PTPRM: variants seen among roughly 807,000 people sequenced by gnomAD.
The protein encoded by PTPRM is receptor-type tyrosine-protein phosphatase mu.
PTPRM carries 47 observed loss-of-function variants against 186.7 expected under a neutral mutation model. That is an observed-to-expected ratio of 0.25 (90% confidence interval 0.20 to 0.32). The LOEUF is 0.32. Among genes scored for constraint, PTPRM ranks in the 10% least tolerant of loss-of-function variants. PTPRM has a pLI of 1.00. For missense variants in PTPRM, 1,494 were observed against 1,865.0 expected (o/e 0.80, Z 3.66); for synonymous variants, 668 against 674.9 (o/e 0.99, Z 0.16).
Position 8,185,546 on chromosome 18 carries a change from CCGTCTGGCACAGGG to C in PTPRM, c.2300+41769_2300+41782del, listed in dbSNP as rs1282876438. ...TATTCAGGTTTGTCACTAGACATTA[CCGTCTGGCACAGGG>C]CCTGGCAGGTCAGTGGCCTCAGGTG... On this transcript the variant is annotated intron_variant, in intron 14 of 32. Transcript: ENST00000580170. Among the ~76,000 whole-genome samples, 8 of 152,356 alleles carry C rather than the reference CCGTCTGGCACAGGG, an allele frequency of 5.3e-5. No individual in the cohort carries two copies. In the East Asian group the frequency reaches 1.5e-3, roughly 29 times the overall value.
In PTPRM at chr18:8,240,839, AAAGAAAAG is replaced by A. The variant is rs1157397831; in HGVS notation, c.2301-3216_2301-3209del. Among the ~76,000 whole-genome samples, 28 of 133,102 alleles carry A rather than the reference AAAGAAAAG, an allele frequency of 2.1e-4. 1 individual carries two copies. The highest frequency in any genetic ancestry group is 1.0e-3 in the Admixed American group (14 of 13,646). The allele number at this position is 133,102 out of a possible 152,430, so 87.3% of individuals were successfully genotyped here. A position where few individuals can be genotyped will look rare whatever the true frequency, so the allele number is the denominator to read the frequency against. On this transcript the variant is annotated intron_variant, in intron 14 of 32. Transcript: ENST00000580170. Reference sequence around the variant, plus strand: ...GAGAGAGAGAGAGAAAGAAAGAAAGAAAGAAAAGAAAGAAAGAAAGAAATTGAAAGTTT... The same window carrying A: ...GAGAGAGAGAGAGAAAGAAAGAAAGAAAAGAAAGAAAGAAATTGAAAGTTT...
chr18:8,181,293 G>T lies in PTPRM; in HGVS notation c.2300+37514G>T, dbSNP rs571777429. 3.9e-5 allele frequency among the ~76,000 whole-genome samples: 6 copies of T among 152,248 alleles called. No individual in the cohort carries two copies. The East Asian group carries it at 1.2e-3, about 29-fold the overall frequency. On this transcript the variant is annotated intron_variant, in intron 14 of 32. Transcript: ENST00000580170. ...GTGTACCCCGTCTTTTTTATTTTGG[G>T]TAATGTTGGTTAAATTAACACAGTC...
At chr18:8,179,424 A>G (rs372790747) in intron 14 of PTPRM, among the ~76,000 whole-genome samples, 4 of 146,986 alleles carry the variant, frequency 2.7e-5, no homozygotes, top group African/African-American at 1.0e-4. Flanking sequence ...ATGACACACC[A>G]TTCTTGGACT....
intron 14 of PTPRM, among the ~76,000 whole-genome samples, chr18:8,213,724 C>T (rs4332801): frequency 0.27 from 40,780 of 151,824 alleles, 5,505 homozygotes; most frequent in Middle Eastern, 0.51. Flanking sequence ...AAAGTGGATC[C>T]ACCATTCGAT....
Position 8,076,474 on chromosome 18 carries a change from T to G in PTPRM, c.1461T>G (p.Thr487=). Residue 487 remains threonine, a synonymous_variant, in exon 9 of 33, where the codon ACT becomes ACG. Coordinates refer to ENST00000580170, the MANE Select transcript of PTPRM (RefSeq NM_001105244.2). ...TDEDLPGAVP[T]ESIQGSTFEE... The stretch of plus-strand genomic sequence containing the variant: ...CTTTAGTCCCAGGTGCTGTTCCCAC[T>G]GAATCCATACAAGGAAGTACCTTTG... 1 of 1,606,138 alleles carries G rather than the reference T, an allele frequency of 6.2e-7. No homozygotes were observed. The highest frequency in any genetic ancestry group is 8.5e-7 in the Non-Finnish European group (1 of 1,173,872).
intron 2 of PTPRM, among the ~76,000 whole-genome samples, chr18:7,789,254 G>A (rs2043226639): frequency 6.6e-6 from 1 of 152,146 alleles, no homozygotes; most frequent in African/African-American, 2.4e-5. Flanking sequence ...GAGCCAAGGA[G>A]GTTGAGGCTG....
rs554187236 is a variant in PTPRM, at chr18:8,162,923, C to G, written c.2300+19144C>G. 5.7e-4 allele frequency among the ~76,000 whole-genome samples: 87 copies of G among 152,314 alleles called. 1 individual carries two copies. The South Asian group carries it at 0.017, about 30-fold the overall frequency. On this transcript the variant is annotated intron_variant, in intron 14 of 32. Coordinates refer to ENST00000580170, the MANE Select transcript of PTPRM (RefSeq NM_001105244.2). The stretch of plus-strand genomic sequence containing the variant: ...GCATCAGGCTGCAGTTGTAAAAATG[C>G]TCTGCTGCTTCTCCAAACAAACACT...
At chr18:8,169,655 A>T (rs2093370290) in intron 14 of PTPRM, among the ~76,000 whole-genome samples, 1 of 152,186 alleles carries the variant, frequency 6.6e-6, no homozygotes, top group African/African-American at 2.4e-5. Context: ...CCAAGGCAAG[A>T]ATTTAGCATG....
intron 7 of PTPRM, among the ~76,000 whole-genome samples, chr18:7,988,926 G>C (rs1020184276): frequency 6.6e-6 from 1 of 152,100 alleles, no homozygotes; most frequent in Non-Finnish European, 1.5e-5. Context: ...GTTAGATTTA[G>C]GCCCCAGAAA....
intron 7 of PTPRM, among the ~76,000 whole-genome samples, chr18:7,963,823 A>G (rs958445401): frequency 5.3e-5 from 8 of 152,150 alleles, no homozygotes; most frequent in Non-Finnish European, 1.2e-4. Flanking sequence ...GGGGTTTGCT[A>G]TGGGAAAAAC....
intron 11 of PTPRM, among the ~76,000 whole-genome samples, chr18:8,100,659 A>G (rs1301592195): frequency 6.6e-6 from 1 of 152,212 alleles, no homozygotes. Context: ...AAATTCTCTA[A>G]GTCTGTTCCT....
chr18:7,777,442 A>G (rs2145021066), intron 2 of PTPRM, among the ~76,000 whole-genome samples: 2 of 152,332 alleles, frequency 1.3e-5, no homozygotes, highest in East Asian at 3.9e-4. Context: ...AAATGGTGTC[A>G]GTGGTTGGTT....
chr18:8,398,687 T>G (rs1342175857), intron 32 of PTPRM, among the ~76,000 whole-genome samples: 2 of 151,650 alleles, frequency 1.3e-5, no homozygotes, highest in East Asian at 3.9e-4. Context: ...GAAGAATCAC[T>G]TGAACTCAGG....
intron 14 of PTPRM, among the ~76,000 whole-genome samples, chr18:8,198,817 A>G (rs2093814628): frequency 6.6e-6 from 1 of 152,178 alleles, no homozygotes; most frequent in African/African-American, 2.4e-5. Context: ...AGCCCCCCAA[A>G]ATGCCAGATT....
intron 32 of PTPRM, among the ~76,000 whole-genome samples, chr18:8,396,382 C>T (rs1328110770): frequency 6.6e-6 from 1 of 152,230 alleles, no homozygotes; most frequent in Non-Finnish European, 1.5e-5. Flanking sequence ...AAAAATGTCA[C>T]TTCCCTCTCA....
At chr18:7,930,998 G>GT (rs1334115757) in intron 5 of PTPRM, among the ~76,000 whole-genome samples, 12 of 152,076 alleles carry the variant, frequency 7.9e-5, no homozygotes, top group Admixed American at 2.6e-4. Flanking sequence ...GACCCAGTGT[G>GT]TGAGCGCATC....
intron 7 of PTPRM, among the ~76,000 whole-genome samples, chr18:8,054,985 T>C (rs1241383993): frequency 6.6e-6 from 1 of 151,924 alleles, no homozygotes; most frequent in African/African-American, 2.4e-5. Context: ...TGTTGTTGTC[T>C]AGAACTCTTT....
intron 1 of PTPRM, chr18:7,747,468 G>T (rs1356265888): frequency 1.3e-5 from 2 of 152,362 alleles, no homozygotes; most frequent in African/African-American, 2.4e-5. Flanking sequence ...TTGTCTCACA[G>T]TTCGGGAGAC....
At chr18:8,129,908 A>T (rs2092461250) in intron 13 of PTPRM, among the ~76,000 whole-genome samples, 1 of 152,200 alleles carries the variant, frequency 6.6e-6, no homozygotes, top group Non-Finnish European at 1.5e-5. Context: ...AGGCTGGTGA[A>T]TGGAAAGAGA....
Sources: allele counts gnomAD v4.1 joint callset (sites outside exome capture counted in the v4.1 genomes callset), GRCh38; gene constraint gnomAD v4.1.1; transcripts MANE v1.5; gene names NCBI Gene and HGNC (gene_info 2026-07-23, HGNC 2026-07-21).